Variants in ADGRL3 observed in about 807,000 individuals in gnomAD.
The protein encoded by ADGRL3 is adhesion G protein-coupled receptor L3.
In ADGRL3, 62 loss-of-function variants were observed where a neutral mutation model predicts 153.5. The observed-to-expected ratio is 0.40, with a 90% confidence interval of 0.33 to 0.50. The LOEUF (loss-of-function observed/expected upper bound fraction) is 0.50, where lower values mean the gene tolerates loss of function less well. ADGRL3 is among the 20% of genes least tolerant of loss of function. The pLI is 0.47. For synonymous variants in ADGRL3, 710 were observed against 672.5 expected (o/e 1.06, Z -0.86); for missense variants, 1,641 against 1,859.4 (o/e 0.88, Z 2.16).
intron 6 of ADGRL3, among the ~76,000 whole-genome samples, chr4:61,714,972 G>A (rs574295164): frequency 7.2e-4 from 109 of 152,140 alleles, no homozygotes; most frequent in African/African-American, 2.5e-3. Context: ...CAAAACATTT[G>A]TAGGCATCAT....
At chr4:61,385,992 T>C (rs1376345007) in intron 2 of ADGRL3, among the ~76,000 whole-genome samples, 2 of 152,182 alleles carry the variant, frequency 1.3e-5, no homozygotes, top group Non-Finnish European at 2.9e-5. Flanking sequence ...GCTATTTTCA[T>C]CTGTTCAGTT....
intron 9 of ADGRL3, among the ~76,000 whole-genome samples, chr4:61,842,194 C>G (rs1434458910): frequency 6.6e-6 from 1 of 152,018 alleles, no homozygotes; most frequent in African/African-American, 2.4e-5. Context: ...TAAATTAGGT[C>G]AAAATATTAT....
intron 3 of ADGRL3, among the ~76,000 whole-genome samples, chr4:61,506,839 A>T (rs749551291): frequency 6.6e-6 from 1 of 152,168 alleles, no homozygotes; most frequent in Admixed American, 6.5e-5. Context: ...TTGGACTCAG[A>T]TGACTTTAAA....
chr4:61,749,717 G>A (rs1467012954), intron 8 of ADGRL3, among the ~76,000 whole-genome samples: 5 of 152,062 alleles, frequency 3.3e-5, no homozygotes, highest in African/African-American at 1.2e-4. Context: ...TGTAGGGTGG[G>A]GGGTGGAGGG....
rs983623079 is a variant in ADGRL3 at position 62,035,130 on chromosome 4, CAT to C, written c.3592-2598_3592-2597del. 7.9e-5 allele frequency among the ~76,000 whole-genome samples: 12 copies of C among 151,926 alleles called. 1 individual carries two copies. The highest frequency in any genetic ancestry group is 7.9e-4 in the Admixed American group (12 of 15,200). ...GTTATTTTTTTTCTTCTTTTTAAGA[CAT>C]ATGCTTACCATTTCAAATCAAATCA... On this transcript the variant is annotated intron_variant, in intron 23 of 26. Coordinates refer to ENST00000683033, the MANE Select transcript of ADGRL3 (RefSeq NM_001387552.1).
intron 4 of ADGRL3, among the ~76,000 whole-genome samples, chr4:61,520,280 GT>G (rs2098521956): frequency 6.6e-6 from 1 of 152,070 alleles, no homozygotes; most frequent in Non-Finnish European, 1.5e-5. Flanking sequence ...ATGTTAATGT[GT>G]TTTTTTCAAT....
intron 5 of ADGRL3, among the ~76,000 whole-genome samples, chr4:61,591,767 A>T (rs1321150930): frequency 1.3e-5 from 2 of 151,904 alleles, no homozygotes; most frequent in Non-Finnish European, 2.9e-5. Context: ...TCACATTAGG[A>T]ACATGCAGAA....
intron 19 of ADGRL3, among the ~76,000 whole-genome samples, chr4:61,993,737 T>C (rs2099112018): frequency 6.6e-6 from 1 of 151,658 alleles, no homozygotes; most frequent in African/African-American, 2.4e-5. Context: ...CTCTCTCTCA[T>C]ACACACATAC....
intron 5 of ADGRL3, among the ~76,000 whole-genome samples, chr4:61,642,569 G>C (rs1210097956): frequency 3.3e-5 from 5 of 152,040 alleles, no homozygotes; most frequent in South Asian, 2.1e-4. Flanking sequence ...GCTTGTTTTT[G>C]TCAGGTTCGT....
chr4:61,401,101 A>G (rs2096925671), intron 2 of ADGRL3, among the ~76,000 whole-genome samples: 1 of 151,492 alleles, frequency 6.6e-6, no homozygotes, highest in African/African-American at 2.4e-5. Flanking sequence ...TTGAAAATGC[A>G]GTGGATAGAA....
chr4:61,863,014 A>C (rs1354875389), intron 9 of ADGRL3, among the ~76,000 whole-genome samples: 1 of 152,144 alleles, frequency 6.6e-6, no homozygotes, highest in Non-Finnish European at 1.5e-5. Context: ...GGTGAAAAAC[A>C]TGACTTGGAT....
At chr4:61,883,194 C>G (rs2098518618) in intron 9 of ADGRL3, among the ~76,000 whole-genome samples, 1 of 152,146 alleles carries the variant, frequency 6.6e-6, no homozygotes, top group South Asian at 2.1e-4. Flanking sequence ...TTTTCTTCTT[C>G]TTCTTATCCT....
intron 2 of ADGRL3, among the ~76,000 whole-genome samples, chr4:61,440,045 A>C (rs2152461263): frequency 6.6e-6 from 1 of 151,712 alleles, no homozygotes; most frequent in South Asian, 2.1e-4. Context: ...TTTTTATTTT[A>C]TTTCATTTTA....
intron 9 of ADGRL3, among the ~76,000 whole-genome samples, chr4:61,827,628 A>G (rs1223132361): frequency 1.3e-5 from 2 of 152,214 alleles, no homozygotes; most frequent in African/African-American, 4.8e-5. Flanking sequence ...GAGAGTGCAA[A>G]CTAAAAGACA....
At chr4:61,930,954 A>G (rs997233603) in intron 13 of ADGRL3, among the ~76,000 whole-genome samples, 4 of 152,174 alleles carry the variant, frequency 2.6e-5, no homozygotes, top group Non-Finnish European at 4.4e-5. Flanking sequence ...AATAAAATAT[A>G]CAATACATAA....
At chr4:62,069,824 TTGTG>T (rs1351931699) in intron 26 of ADGRL3, among the ~76,000 whole-genome samples, 2 of 152,178 alleles carry the variant, frequency 1.3e-5, no homozygotes, top group Non-Finnish European at 2.9e-5. Flanking sequence ...CAGCCAATGT[TTGTG>T]TGGCAATTGC....
intron 2 of ADGRL3, among the ~76,000 whole-genome samples, chr4:61,395,467 A>G (rs538916779): frequency 6.5e-4 from 99 of 152,112 alleles, no homozygotes; most frequent in Non-Finnish European, 1.0e-3. Context: ...TGTTGTTATG[A>G]GACCATAATT....
At chr4:61,845,669 C>T (rs1260695406) in intron 9 of ADGRL3, among the ~76,000 whole-genome samples, 2 of 151,750 alleles carry the variant, frequency 1.3e-5, no homozygotes, top group Non-Finnish European at 2.9e-5. Flanking sequence ...CCCAGCCTCC[C>T]TCTCTTTTAT....
At chr4:61,294,509 T>C (rs1307116955) in intron 1 of ADGRL3, among the ~76,000 whole-genome samples, 2 of 152,172 alleles carry the variant, frequency 1.3e-5, no homozygotes, top group Non-Finnish European at 2.9e-5. Flanking sequence ...CCAAACCCTA[T>C]TATAAGTCGA....
Sources: allele counts gnomAD v4.1 joint callset (sites outside exome capture counted in the v4.1 genomes callset), GRCh38; gene constraint gnomAD v4.1.1; transcripts MANE v1.5; gene names NCBI Gene and HGNC (gene_info 2026-07-23, HGNC 2026-07-21).